The following DLG2 variants were observed in gnomAD, a reference collection of about 807,000 sequenced individuals.
The protein encoded by DLG2 is discs large MAGUK scaffold protein 2.
DLG2 carries 45 observed loss-of-function variants against 132.5 expected under a neutral mutation model. The ratio of observed to expected loss-of-function variants is 0.34; its 90% CI spans 0.27 to 0.44. DLG2 has a LOEUF of 0.44. DLG2 is among the 20% of genes least tolerant of loss of function. The pLI, the probability that DLG2 is intolerant of heterozygous loss-of-function variation, is 1.00. For missense variants in DLG2, 1,045 were observed against 1,196.9 expected (o/e 0.87, Z 1.87); for synonymous variants, 424 against 419.6 (o/e 1.01, Z -0.13).
chr11:83,736,374 A>G (rs554092987), intron 18 of DLG2, among the ~76,000 whole-genome samples: 44 of 152,232 alleles, frequency 2.9e-4, no homozygotes, highest in African/African-American at 9.4e-4. Context: ...ATACATACTA[A>G]TTAGCCAGAT....
chr11:84,827,202 G>A (rs1275161078), intron 6 of DLG2, among the ~76,000 whole-genome samples: 5 of 151,684 alleles, frequency 3.3e-5, no homozygotes, highest in Admixed American at 2.0e-4. Context: ...AAGTGATGGG[G>A]TCAACATTCA....
intron 18 of DLG2, among the ~76,000 whole-genome samples, chr11:83,750,839 T>C (rs2153734949): frequency 6.6e-6 from 1 of 152,346 alleles, no homozygotes; most frequent in Non-Finnish European, 1.5e-5. Context: ...ATAGACCTCC[T>C]AACTTACAGT....
intron 6 of DLG2, among the ~76,000 whole-genome samples, chr11:84,972,831 T>A (rs566139050): frequency 6.6e-6 from 1 of 152,310 alleles, no homozygotes; most frequent in East Asian, 1.9e-4. Context: ...AATGTTTCTC[T>A]CTTCCAGCTT....
At chr11:85,031,597 CCT>C in intron 6 of DLG2, among the ~76,000 whole-genome samples, 1 of 152,108 alleles carries the variant, frequency 6.6e-6, no homozygotes, top group South Asian at 2.1e-4. Context: ...GACCATCTTT[CCT>C]TTTTTTAATA....
rs548753952 is a variant in DLG2, at chr11:83,782,900, CATT to C, written c.1825+3787_1825+3789del. Among the ~76,000 whole-genome samples, 10 of 152,178 alleles carry C rather than the reference CATT, an allele frequency of 6.6e-5. No homozygotes were observed. In the South Asian group the frequency reaches 2.1e-3, roughly 32 times the overall value. ...CCTGTGGGTGCACATGTGTGTAAGACATTATATTTCCTTCTGTGAAGTGGCATT... is the reference window on the plus strand; with the variant it reads ...CCTGTGGGTGCACATGTGTGTAAGACATATTTCCTTCTGTGAAGTGGCATT... On this transcript the variant is annotated intron_variant, in intron 18 of 27. Coordinates refer to ENST00000376104, the MANE Select transcript of DLG2 (RefSeq NM_001142699.3).
intron 6 of DLG2, among the ~76,000 whole-genome samples, chr11:84,631,006 TCTCTCTCTCTCTCACACA>T (rs2099630750): frequency 1.5e-5 from 2 of 129,846 alleles, no homozygotes; most frequent in East Asian, 2.1e-4. Flanking sequence ...TCTCTCTCTC[TCTCTCTCTCTCTCACACA>T]CACACACACA....
At chr11:83,887,227 G>C (rs1035371210) in intron 15 of DLG2, among the ~76,000 whole-genome samples, 3 of 151,874 alleles carry the variant, frequency 2.0e-5, no homozygotes, top group African/African-American at 7.3e-5. Flanking sequence ...AGAAAAGAGA[G>C]AAGAATCAAA....
intron 8 of DLG2, among the ~76,000 whole-genome samples, chr11:84,217,789 T>C (rs2096855949): frequency 6.6e-6 from 1 of 152,198 alleles, no homozygotes; most frequent in Non-Finnish European, 1.5e-5. Context: ...CAAAAATATT[T>C]GGCTAGGAAA....
At chr11:85,412,546 A>G (rs1290712785) in intron 3 of DLG2, among the ~76,000 whole-genome samples, 1 of 151,580 alleles carries the variant, frequency 6.6e-6, no homozygotes, top group Non-Finnish European at 1.5e-5. Flanking sequence ...GAGTCCCCAG[A>G]GTTCACTGTG....
At chr11:83,601,982 C>G (rs960010603) in intron 19 of DLG2, among the ~76,000 whole-genome samples, 1 of 152,162 alleles carries the variant, frequency 6.6e-6, no homozygotes, top group African/African-American at 2.4e-5. Context: ...CAGACTCCAG[C>G]TCCCAAAGCA....
At position 83,610,260 on chromosome 11, in the gene DLG2, T is replaced by C. The variant is rs1399914523; in HGVS notation, c.1940+22951A>G. Among the ~76,000 whole-genome samples, 6 of 151,962 alleles carry C rather than the reference T, an allele frequency of 3.9e-5. No individual in the cohort carries two copies. In the East Asian group the frequency reaches 9.6e-4, roughly 24 times the overall value. ...CCTCTTCCTATCTATGTGGTTTACG[T>C]GAAAAACATCTAAAAGCCGGAAATG... On this transcript the variant is annotated intron_variant, in intron 19 of 27. Coordinates refer to ENST00000376104, the MANE Select transcript of DLG2 (RefSeq NM_001142699.3).
chr11:84,739,679 T>C (rs978110460), intron 6 of DLG2, among the ~76,000 whole-genome samples: 1 of 152,196 alleles, frequency 6.6e-6, no homozygotes, highest in African/African-American at 2.4e-5. Context: ...GGGACTTTCA[T>C]TTGACTGTTG....
intron 7 of DLG2, among the ~76,000 whole-genome samples, chr11:84,324,620 A>G (rs2098421722): frequency 6.6e-6 from 1 of 152,116 alleles, no homozygotes; most frequent in Non-Finnish European, 1.5e-5. Flanking sequence ...TGTGTAACTT[A>G]CTTTGAGTAA....
intron 4 of DLG2, among the ~76,000 whole-genome samples, chr11:85,221,260 TCTCCTGACCTCGTGATCCATC>T (rs1192528602): frequency 1.3e-5 from 2 of 152,062 alleles, no homozygotes; most frequent in African/African-American, 4.8e-5. Context: ...ATGGTCTCAA[TCTCCTGACCTCGTGATCCATC>T]CTCCTGACCT....
At chr11:83,779,665 G>A (rs1030756664) in intron 18 of DLG2, among the ~76,000 whole-genome samples, 7 of 151,934 alleles carry the variant, frequency 4.6e-5, no homozygotes, top group African/African-American at 1.2e-4. Flanking sequence ...AATATTAAAC[G>A]GCTTTCCTAT....
chr11:84,056,055 C>A (rs1024482575), intron 11 of DLG2, among the ~76,000 whole-genome samples: 7 of 151,922 alleles, frequency 4.6e-5, no homozygotes, highest in African/African-American at 1.7e-4. Context: ...AAACTATGCA[C>A]ATGTTAAGTT....
In DLG2 at chr11:85,576,664, T is replaced by C. The variant is rs1457933876; in HGVS notation, c.40+21993A>G. 3.3e-5 allele frequency among the ~76,000 whole-genome samples: 5 copies of C among 152,206 alleles called. No homozygotes were observed. The East Asian group carries it at 7.7e-4, about 23-fold the overall frequency. On this transcript the variant is annotated intron_variant, in intron 3 of 27. Coordinates refer to ENST00000376104, the MANE Select transcript of DLG2 (RefSeq NM_001142699.3). ...CACAAAATTGTATCAGCTTATGTTATAGTCCATGAACTCTGCTAAGTGTTA... is the reference window on the plus strand; with the variant it reads ...CACAAAATTGTATCAGCTTATGTTACAGTCCATGAACTCTGCTAAGTGTTA...
chr11:84,283,157 A>T (rs1189056534), intron 7 of DLG2, among the ~76,000 whole-genome samples: 1 of 152,220 alleles, frequency 6.6e-6, no homozygotes, highest in Admixed American at 6.5e-5. Flanking sequence ...TTTACAACTG[A>T]CACTAAAATT....
At chr11:84,514,071 C>A (rs2099265088) in intron 7 of DLG2, among the ~76,000 whole-genome samples, 2 of 152,056 alleles carry the variant, frequency 1.3e-5, no homozygotes, top group South Asian at 2.1e-4. Context: ...ATGCACATGA[C>A]AAACAGGCCT....
Sources: allele counts gnomAD v4.1 joint callset (sites outside exome capture counted in the v4.1 genomes callset), GRCh38; gene constraint gnomAD v4.1.1; transcripts MANE v1.5; gene names NCBI Gene and HGNC (gene_info 2026-07-23, HGNC 2026-07-21).